The following THSD7B variants were observed in gnomAD, a reference collection of about 807,000 sequenced individuals.
THSD7B encodes thrombospondin type-1 domain-containing protein 7B.
Under a neutral mutation model 213.6 loss-of-function variants are expected in THSD7B, and 138 were observed. That is an observed-to-expected ratio of 0.65 (90% CI 0.56 to 0.74). The LOEUF is 0.74. Ranked by LOEUF, THSD7B falls within the 30% of genes least tolerant of loss-of-function variation. The probability of loss-of-function intolerance (pLI) is 0.00; values close to 1 mark genes in which losing one functional copy is unlikely to be tolerated. For synonymous variants in THSD7B, 742 were observed against 687.0 expected (o/e 1.08, Z -1.25); for missense variants, 1,931 against 1,991.5 (o/e 0.97, Z 0.58).
At chr2:136,806,211 A>G (rs1048779246) in intron 1 of THSD7B, among the ~76,000 whole-genome samples, 1 of 152,170 alleles carries the variant, frequency 6.6e-6, no homozygotes, top group Non-Finnish European at 1.5e-5. Flanking sequence ...AGCCCATGAC[A>G]TTTTAGACAT....
intron 24 of THSD7B, among the ~76,000 whole-genome samples, chr2:137,657,509 G>A (rs192417473): frequency 6.6e-5 from 10 of 152,186 alleles, no homozygotes; most frequent in African/African-American, 1.9e-4. Context: ...ATGTGTGTGT[G>A]CAGTACTCAC....
intron 2 of THSD7B, among the ~76,000 whole-genome samples, chr2:136,936,831 T>TA (rs1553459240): frequency 0.052 from 7,953 of 151,936 alleles, 306 homozygotes; most frequent in African/African-American, 0.098. Context: ...TAATTTTTTT[T>TA]AAAAAAAGAA....
chr2:137,447,283 C>A (rs1362359086), intron 14 of THSD7B, among the ~76,000 whole-genome samples: 1 of 151,758 alleles, frequency 6.6e-6, no homozygotes, highest in Non-Finnish European at 1.5e-5. Flanking sequence ...GATTTAAAAT[C>A]TCAATTAAAA....
chr2:137,188,124 C>T (rs979735993), intron 7 of THSD7B, among the ~76,000 whole-genome samples: 1 of 152,096 alleles, frequency 6.6e-6, no homozygotes, highest in Non-Finnish European at 1.5e-5. Context: ...TACCCAATGA[C>T]AATGTAGGAA....
chr2:136,767,264 T>C (rs537246278), intron 1 of THSD7B, among the ~76,000 whole-genome samples: 11 of 152,218 alleles, frequency 7.2e-5, no homozygotes, highest in Non-Finnish European at 1.5e-5. Context: ...CTCGTGTCTT[T>C]GTGGGTTAAA....
At chr2:137,062,668 A>G (rs1207241938) in intron 3 of THSD7B, among the ~76,000 whole-genome samples, 2 of 151,620 alleles carry the variant, frequency 1.3e-5, no homozygotes, top group African/African-American at 4.8e-5. Flanking sequence ...TCCTGGGAGC[A>G]TATGTTGTAT....
chr2:137,187,374 C>T (rs1229183911), intron 7 of THSD7B, among the ~76,000 whole-genome samples: 1 of 152,146 alleles, frequency 6.6e-6, no homozygotes, highest in African/African-American at 2.4e-5. Context: ...GCCACATAGA[C>T]CATGGTGTGC....
At chr2:137,569,253 A>G (rs1326124961) in intron 16 of THSD7B, among the ~76,000 whole-genome samples, 1 of 152,244 alleles carries the variant, frequency 6.6e-6, no homozygotes, top group East Asian at 1.9e-4. Context: ...ATGTTAGCCC[A>G]TGAGGCCCAA....
At chr2:137,259,676 A>AT (rs1211433785) in intron 10 of THSD7B, among the ~76,000 whole-genome samples, 1 of 151,792 alleles carries the variant, frequency 6.6e-6, no homozygotes, top group African/African-American at 2.4e-5. Flanking sequence ...CTTGCACAGT[A>AT]TTTTTTGCAC....
intron 2 of THSD7B, among the ~76,000 whole-genome samples, chr2:136,972,379 G>A (rs1026681811): frequency 3.3e-5 from 5 of 152,148 alleles, no homozygotes; most frequent in African/African-American, 1.2e-4. Flanking sequence ...CTAGCGAATA[G>A]GCAGTAAGTA....
intron 7 of THSD7B, among the ~76,000 whole-genome samples, chr2:137,211,530 T>C (rs1035663366): frequency 6.6e-6 from 1 of 152,098 alleles, no homozygotes; most frequent in Non-Finnish European, 1.5e-5. Context: ...AATACTATAA[T>C]GATGTATCTA....
intron 15 of THSD7B, among the ~76,000 whole-genome samples, chr2:137,492,154 G>A (rs924292043): frequency 1.3e-5 from 2 of 152,062 alleles, no homozygotes; most frequent in African/African-American, 4.8e-5. Context: ...GTACTTCAAA[G>A]CAAGGGAAAT....
At chr2:137,061,405 A>G (rs1573796511) in intron 3 of THSD7B, among the ~76,000 whole-genome samples, 1 of 144,468 alleles carries the variant, frequency 6.9e-6, no homozygotes, top group East Asian at 2.0e-4. Context: ...AATGTTATAC[A>G]GGAGTGATGA....
chr2:136,955,583 T>C (rs1167259021), intron 2 of THSD7B, among the ~76,000 whole-genome samples: 1 of 152,168 alleles, frequency 6.6e-6, no homozygotes, highest in Admixed American at 6.5e-5. Context: ...TTAATATCAA[T>C]TAAGTTTAGG....
chr2:137,487,566 C>G (rs1185385848), intron 15 of THSD7B, among the ~76,000 whole-genome samples: 1 of 151,188 alleles, frequency 6.6e-6, no homozygotes, highest in African/African-American at 2.4e-5. Flanking sequence ...AGTCCACTAG[C>G]AAGACTAATA....
intron 14 of THSD7B, among the ~76,000 whole-genome samples, chr2:137,416,057 A>G (rs563634467): frequency 6.6e-6 from 1 of 152,340 alleles, no homozygotes; most frequent in African/African-American, 2.4e-5. Flanking sequence ...TTTCATAGAC[A>G]TTCAAAACAT....
intron 2 of THSD7B, among the ~76,000 whole-genome samples, chr2:137,047,164 C>A (rs115145266): frequency 0.01 from 1,526 of 152,148 alleles, 30 homozygotes; most frequent in African/African-American, 0.035. Context: ...TTCATCCATG[C>A]GAGAGAAAGC....
intron 2 of THSD7B, among the ~76,000 whole-genome samples, chr2:136,937,829 G>C (rs1172053997): frequency 2.6e-5 from 4 of 152,146 alleles, no homozygotes; most frequent in Non-Finnish European, 5.9e-5. Flanking sequence ...AAGAGATTTT[G>C]AGTGGAACTG....
intron 2 of THSD7B, among the ~76,000 whole-genome samples, chr2:136,929,113 A>C (rs1356080847): frequency 6.6e-6 from 1 of 152,202 alleles, no homozygotes; most frequent in African/African-American, 2.4e-5. Context: ...AACTACTGAA[A>C]TGAAAAGGAC....
Sources: allele counts gnomAD v4.1 joint callset (sites outside exome capture counted in the v4.1 genomes callset), GRCh38; gene constraint gnomAD v4.1.1; transcripts MANE v1.5; gene names NCBI Gene and HGNC (gene_info 2026-07-23, HGNC 2026-07-21).